SLC22A23: variants seen among roughly 807,000 people sequenced by gnomAD.
SLC22A23 encodes the protein solute carrier family 22 member 23, also known as ion transporter protein.
SLC22A23 carries 26 observed loss-of-function variants against 61.0 expected under a neutral mutation model. The observed-to-expected ratio is 0.43, with a 90% CI of 0.31 to 0.59. The LOEUF is 0.59. SLC22A23 is among the 20% of genes least tolerant of loss of function. The pLI, the probability that SLC22A23 is intolerant of heterozygous loss-of-function variation, is 0.11. For missense variants in SLC22A23, 796 were observed against 934.7 expected (o/e 0.85, Z 1.94); for synonymous variants, 430 against 413.9 (o/e 1.04, Z -0.47).
intron 3 of SLC22A23, among the ~76,000 whole-genome samples, chr6:3,354,232 AG>A (rs1273619235): frequency 6.6e-6 from 1 of 152,266 alleles, no homozygotes; most frequent in East Asian, 1.9e-4. Flanking sequence ...AGAGGCAGTC[AG>A]GGCATTGGAT....
intron 7 of SLC22A23, 49 bp from the exon 8 acceptor site, chr6:3,285,160 C>G (rs377475701): frequency 6.2e-7 from 1 of 1,609,338 alleles, no homozygotes; most frequent in Non-Finnish European, 8.5e-7. Flanking sequence ...GCCAAGCAAG[C>G]GAGAAGAGAG....
intron 1 of SLC22A23, among the ~76,000 whole-genome samples, chr6:3,426,999 G>C (rs923388070): frequency 6.6e-6 from 1 of 152,238 alleles, no homozygotes; most frequent in Non-Finnish European, 1.5e-5. Context: ...ATGGAATTCA[G>C]AGCCTAAAGT....
chr6:3,415,908 T>C (rs1769663024), intron 1 of SLC22A23, 53 bp from the exon 2 acceptor site: 2 of 1,343,298 alleles, frequency 1.5e-6, no homozygotes, highest in African/African-American at 2.9e-5. Context: ...ACAGAGCTAG[T>C]CGTACTCAAT....
intron 1 of SLC22A23, among the ~76,000 whole-genome samples, chr6:3,421,079 G>A (rs1364125592): frequency 6.6e-6 from 1 of 150,616 alleles, no homozygotes; most frequent in Non-Finnish European, 1.5e-5. Context: ...CAGCCTGGGT[G>A]ACAGAATGAG....
chr6:3,431,941 A>G (rs1385781638), intron 1 of SLC22A23, among the ~76,000 whole-genome samples: 2 of 152,216 alleles, frequency 1.3e-5, no homozygotes, highest in Non-Finnish European at 2.9e-5. Context: ...TGTTGGTTAC[A>G]TGACTGTCCT....
intron 9 of SLC22A23, among the ~76,000 whole-genome samples, chr6:3,280,229 G>C (rs576364039): frequency 6.6e-6 from 1 of 152,202 alleles, no homozygotes; most frequent in Non-Finnish European, 1.5e-5. Flanking sequence ...CAAGGTGCCT[G>C]TAGTCAGTTT....
chr6:3,339,218 A>G (rs1329863690), intron 3 of SLC22A23, among the ~76,000 whole-genome samples: 1 of 152,224 alleles, frequency 6.6e-6, no homozygotes, highest in Admixed American at 6.5e-5. Flanking sequence ...AAAAATTAAA[A>G]CAGTGTGCTT....
chr6:3,425,297 T>TTA (rs1354438578), intron 1 of SLC22A23, among the ~76,000 whole-genome samples: 1 of 146,560 alleles, frequency 6.8e-6, no homozygotes, highest in African/African-American at 2.5e-5. Flanking sequence ...TTTTTTTTTT[T>TTA]TTTTTTTGAG....
In SLC22A23 at chr6:3,333,887, G is replaced by A. The variant is rs974509424; in HGVS notation, c.914-9885C>T. 2.6e-5 allele frequency among the ~76,000 whole-genome samples: 4 copies of A among 152,224 alleles called. No homozygotes were observed. Among genetic ancestry groups the A allele is most frequent in the Non-Finnish European group, 5.9e-5 (4 of 68,042 alleles). ...AGTAATTCTGATGCTGGCTCCAGCT[G>A]AAGAACCACTGCAGTATACTTTGCA... is the stretch of plus-strand genomic sequence containing the variant. On this transcript the variant is annotated intron_variant, in intron 3 of 9. Transcript: ENST00000406686. The surrounding 1 kb of genome is among the most constrained non-coding windows in gnomAD (Gnocchi z 4.1).
intron 3 of SLC22A23, among the ~76,000 whole-genome samples, chr6:3,376,964 A>G (rs560152183): frequency 1.3e-5 from 2 of 151,990 alleles, no homozygotes; most frequent in African/African-American, 2.4e-5. Flanking sequence ...GAGGGTCCAC[A>G]TGAAGGTGTC....
intron 3 of SLC22A23, among the ~76,000 whole-genome samples, chr6:3,389,999 CA>C (rs1288445036): frequency 6.6e-6 from 1 of 152,294 alleles, no homozygotes; most frequent in East Asian, 1.9e-4. Flanking sequence ...GGCTAAAATA[CA>C]AAAGTGACAT....
chr6:3,364,082 C>G (rs1043318831), intron 3 of SLC22A23, among the ~76,000 whole-genome samples: 3 of 152,254 alleles, frequency 2.0e-5, no homozygotes, highest in African/African-American at 7.2e-5. Context: ...TTTGCCTTCC[C>G]TCTCTCCTGG....
intron 1 of SLC22A23, among the ~76,000 whole-genome samples, chr6:3,419,541 G>A (rs768446271): frequency 2.0e-5 from 3 of 152,200 alleles, no homozygotes; most frequent in Non-Finnish European, 4.4e-5. Context: ...GGGGAGGAAG[G>A]GAGGCATCCA....
At position 3,324,754 on chromosome 6, in the gene SLC22A23, C is replaced by T. The variant is rs1017821942; in HGVS notation, c.914-752G>A. 2.6e-5 allele frequency among the ~76,000 whole-genome samples: 4 copies of T among 152,234 alleles called. No homozygotes were observed. Among genetic ancestry groups the T allele is most frequent in the East Asian group, 3.8e-4 (2 of 5,200 alleles). On this transcript the variant is annotated intron_variant, in intron 3 of 9. Coordinates refer to ENST00000406686, the MANE Select transcript of SLC22A23 (RefSeq NM_015482.2). The surrounding 1 kb of genome is among the most constrained non-coding windows in gnomAD (Gnocchi z 4.3). ...TATTGGACACCACCCCCGGGCAAGG[C>T]CCATGTCTAATTCATCTTTGTAGCT...
At chr6:3,273,466 C>T (rs1758616109) in intron 9 of SLC22A23, 54 bp from the exon 10 acceptor site, 1 of 1,590,980 alleles carries the variant, frequency 6.3e-7, no homozygotes, top group African/African-American at 1.3e-5. Flanking sequence ...GGGCTGGATC[C>T]CGGGAAAGCT....
intron 3 of SLC22A23, among the ~76,000 whole-genome samples, chr6:3,341,351 T>C (rs903035240): frequency 1.3e-5 from 2 of 152,244 alleles, no homozygotes; most frequent in East Asian, 3.8e-4. Context: ...CTAACTTTTA[T>C]ACAGTGCAAG....
At position 3,329,915 on chromosome 6, in the gene SLC22A23, T is replaced by C. The variant is rs189791064; in HGVS notation, c.914-5913A>G. On this transcript the variant is annotated intron_variant, in intron 3 of 9. Transcript: ENST00000406686. The surrounding 1 kb of genome is among the most constrained non-coding windows in gnomAD (Gnocchi z 4.8). ...AGGAAAGGACAGCGTCTGCCCACAC[T>C]GCTCAGGCTCCTAAATTAAACACAA... Among the ~76,000 whole-genome samples the C allele has an allele frequency of 1.3e-5, 2 of 152,310 alleles. No homozygotes were observed. The highest frequency in any genetic ancestry group is 1.3e-4 in the Admixed American group (2 of 15,306).
chr6:3,359,611 C>T (rs138657524), intron 3 of SLC22A23, among the ~76,000 whole-genome samples: 131 of 152,256 alleles, frequency 8.6e-4, no homozygotes, highest in African/African-American at 2.6e-3. Context: ...GAATGTACAA[C>T]GGTGCAGCCA....
chr6:3,417,687 C>T (rs892788607), intron 1 of SLC22A23, among the ~76,000 whole-genome samples: 4 of 152,168 alleles, frequency 2.6e-5, no homozygotes, highest in African/African-American at 7.2e-5. Context: ...ACCTGCCCTG[C>T]GACTCTGAGA....
Sources: gnomAD v4.1 joint callset for allele counts (sites outside exome capture counted in the v4.1 genomes callset) on GRCh38, gnomAD v4.1.1 for gene constraint, Gnocchi (gnomAD v3.1) non-coding constraint, MANE v1.5 for transcripts, NCBI Gene and HGNC (gene_info 2026-07-23, HGNC 2026-07-21) for gene names.